Variants in PRKG1 observed in about 807,000 individuals in gnomAD.
The protein encoded by PRKG1 is cGMP-dependent protein kinase 1.
Under a neutral mutation model 88.1 loss-of-function variants are expected in PRKG1, and 35 were observed. The observed-to-expected ratio is 0.40, with a 90% confidence interval of 0.30 to 0.53. The LOEUF is 0.53. Among genes scored for constraint, PRKG1 ranks in the 20% least tolerant of loss-of-function variants. PRKG1 has a pLI of 0.59. For synonymous variants in PRKG1, 303 were observed against 292.5 expected (o/e 1.04, Z -0.37); for missense variants, 540 against 839.8 (o/e 0.64, Z 4.41).
At chr10:51,488,884 C>G (rs1215299159) in intron 3 of PRKG1, among the ~76,000 whole-genome samples, 1 of 152,078 alleles carries the variant, frequency 6.6e-6, no homozygotes, top group Non-Finnish European at 1.5e-5. Flanking sequence ...TCTGATATGT[C>G]AAGAGTGGAC....
chr10:52,119,755 G>A (rs549924153), intron 7 of PRKG1, among the ~76,000 whole-genome samples: 2 of 152,266 alleles, frequency 1.3e-5, no homozygotes, highest in Admixed American at 6.5e-5. Context: ...CCACAGACCA[G>A]GTATTTATAA....
At chr10:51,689,857 G>T (rs558143419) in intron 3 of PRKG1, among the ~76,000 whole-genome samples, 1 of 152,236 alleles carries the variant, frequency 6.6e-6, no homozygotes, top group African/African-American at 2.4e-5. Flanking sequence ...ATAAAACTAG[G>T]CCCAAAATAT....
intron 1 of PRKG1, chr10:51,062,894 T>A (rs1365517069): frequency 6.6e-6 from 1 of 152,188 alleles, no homozygotes; most frequent in African/African-American, 2.4e-5. Context: ...AGTGCTGGGA[T>A]TACAGGCATG....
chr10:51,144,731 G>T (rs1845901354), intron 1 of PRKG1, among the ~76,000 whole-genome samples: 1 of 152,156 alleles, frequency 6.6e-6, no homozygotes, highest in South Asian at 2.1e-4. Context: ...CAAAACAATG[G>T]TTGGAGGTAA....
intron 1 of PRKG1, among the ~76,000 whole-genome samples, chr10:51,040,311 CTTTTTTTTT>C (rs34444612): frequency 1.2e-4 from 5 of 42,586 alleles, no homozygotes; most frequent in South Asian, 3.2e-3. Context: ...TTCTTTTTCT[CTTTTTTTTT>C]TTTTTTTTTT....
intron 3 of PRKG1, among the ~76,000 whole-genome samples, chr10:51,662,758 G>A (rs965231823): frequency 2.0e-5 from 3 of 152,120 alleles, no homozygotes; most frequent in African/African-American, 7.2e-5. Flanking sequence ...TCAGAGATGG[G>A]AATATTTTAA....
At chr10:51,220,214 T>C (rs528757928) in intron 2 of PRKG1, among the ~76,000 whole-genome samples, 1 of 152,238 alleles carries the variant, frequency 6.6e-6, no homozygotes, top group East Asian at 1.9e-4. Flanking sequence ...AGGACCACAG[T>C]CCTATAGCCA....
chr10:51,023,826 AC>A, intron 1 of PRKG1, among the ~76,000 whole-genome samples: 1 of 152,328 alleles, frequency 6.6e-6, no homozygotes, highest in East Asian at 1.9e-4. Flanking sequence ...AGGAAAATAA[AC>A]AAAAAGAAAG....
intron 7 of PRKG1, among the ~76,000 whole-genome samples, chr10:52,132,337 G>A (rs1342572319): frequency 7.4e-6 from 1 of 134,982 alleles, no homozygotes; most frequent in South Asian, 2.5e-4. Context: ...TATCATCAAG[G>A]AATTTCTCAA....
chr10:52,134,162 A>C (rs536184530), intron 8 of PRKG1, among the ~76,000 whole-genome samples: 19 of 152,298 alleles, frequency 1.2e-4, no homozygotes, highest in Middle Eastern at 3.4e-3. Flanking sequence ...GTAATGAAAT[A>C]TCATACAGAT....
chr10:52,239,792 A>T (rs1256984567), intron 9 of PRKG1, among the ~76,000 whole-genome samples: 1 of 152,138 alleles, frequency 6.6e-6, no homozygotes, highest in Non-Finnish European at 1.5e-5. Context: ...CGAGTGATGG[A>T]TATGCTCAGA....
chr10:52,009,317 A>G (rs1046906231), intron 5 of PRKG1, among the ~76,000 whole-genome samples: 4 of 152,168 alleles, frequency 2.6e-5, no homozygotes, highest in Admixed American at 2.0e-4. Flanking sequence ...GAACAACTTC[A>G]GTAAACTTTC....
At chr10:51,680,788 G>A (rs1840832445) in intron 3 of PRKG1, among the ~76,000 whole-genome samples, 1 of 152,216 alleles carries the variant, frequency 6.6e-6, no homozygotes, top group Non-Finnish European at 1.5e-5. Flanking sequence ...GGACAAAGTA[G>A]ATATTGAATA....
At chr10:51,299,845 T>C (rs2132237095) in intron 2 of PRKG1, among the ~76,000 whole-genome samples, 1 of 152,284 alleles carries the variant, frequency 6.6e-6, no homozygotes, top group East Asian at 1.9e-4. Context: ...GGATTGAATT[T>C]TGTGGAAAAT....
chr10:51,027,494 A>G (rs1039999408), intron 1 of PRKG1, among the ~76,000 whole-genome samples: 7 of 152,302 alleles, frequency 4.6e-5, no homozygotes, highest in East Asian at 1.9e-4. Context: ...CAGAACTTCA[A>G]TGATTTCATC....
intron 2 of PRKG1, among the ~76,000 whole-genome samples, chr10:51,377,060 C>T (rs1172008945): frequency 6.6e-6 from 1 of 151,746 alleles, no homozygotes; most frequent in African/African-American, 2.4e-5. Flanking sequence ...TCTGAATACA[C>T]TTAATGTTAT....
At chr10:51,023,152 G>A (rs1431707168) in intron 1 of PRKG1, among the ~76,000 whole-genome samples, 1 of 152,230 alleles carries the variant, frequency 6.6e-6, no homozygotes, top group Non-Finnish European at 1.5e-5. Flanking sequence ...GTGTTACCCT[G>A]AGAGTCAAGG....
chr10:51,553,779 T>C (rs1166582674), intron 3 of PRKG1, among the ~76,000 whole-genome samples: 8 of 131,080 alleles, frequency 6.1e-5, no homozygotes, highest in African/African-American at 1.8e-4. Flanking sequence ...ATAATATATG[T>C]ATATATTAGA....
rs796189415 is a variant in PRKG1 at position 51,244,711 on chromosome 10, TA to T, written c.478+91387del. Among the ~76,000 whole-genome samples the T allele has an allele frequency of 8.5e-5, 13 of 152,246 alleles. No homozygotes were observed. In the South Asian group the frequency reaches 2.7e-3, roughly 32 times the overall value. On this transcript the variant is annotated intron_variant, in intron 2 of 17. Coordinates refer to ENST00000373980, the MANE Select transcript of PRKG1 (RefSeq NM_006258.4). The stretch of plus-strand genomic sequence containing the variant: ...GTTTGTAATGAAAACCTTCTTAACA[TA>T]AAAAATTATCCTACTATCCTTTTAA...
Sources: gnomAD v4.1 joint callset for allele counts (sites outside exome capture counted in the v4.1 genomes callset) on GRCh38, gnomAD v4.1.1 for gene constraint, MANE v1.5 for transcripts, NCBI Gene and HGNC (gene_info 2026-07-23, HGNC 2026-07-21) for gene names.